URGCP: variants seen among roughly 807,000 people sequenced by gnomAD.
URGCP encodes the protein upregulator of cell proliferation, also known as up-regulator of cell proliferation.
In URGCP, 13 loss-of-function variants were observed where a neutral mutation model predicts 24.6. The observed-to-expected ratio is 0.53, with a 90% CI of 0.34 to 0.84. The LOEUF (loss-of-function observed/expected upper bound fraction) is 0.84, where lower values mean the gene tolerates loss of function less well. Among genes scored for constraint, URGCP ranks in the 40% least tolerant of loss-of-function variants. The pLI, the probability that URGCP is intolerant of heterozygous loss-of-function variation, is 0.01. For missense variants in URGCP, 899 were observed against 1,194.3 expected (o/e 0.75, Z 3.64); for synonymous variants, 444 against 487.2 (o/e 0.91, Z 1.17).
intron 1 of URGCP, among the ~76,000 whole-genome samples, chr7:43,899,360 C>T (rs1307624008): frequency 6.7e-6 from 1 of 149,710 alleles, no homozygotes; most frequent in Non-Finnish European, 1.5e-5. Context: ...ATCATGTGAT[C>T]CATCTGCCTC....
intron 1 of URGCP, among the ~76,000 whole-genome samples, chr7:43,890,680 T>C (rs918734031): frequency 5.3e-5 from 8 of 152,192 alleles, no homozygotes; most frequent in African/African-American, 1.4e-4. Flanking sequence ...CTTCCCCACA[T>C]AGACATCTCT....
intron 3 of URGCP, among the ~76,000 whole-genome samples, chr7:43,883,212 G>A (rs553042455): frequency 2.7e-4 from 41 of 151,086 alleles, no homozygotes; most frequent in Non-Finnish European, 4.9e-4. Context: ...ATAAAGGAGC[G>A]AACAGGAGGC....
rs561999025 is a variant in URGCP, at chr7:43,890,866, G to A, written c.15-3050C>T. ...ATGTGGCTGAACCCTACTTCCGGCA[G>A]GTCTGCTGATGGCCCATTGCTCATT... On this transcript the variant is annotated intron_variant, in intron 1 of 5. Transcript: ENST00000453200. Among the ~76,000 whole-genome samples the A allele has an allele frequency of 5.0e-4, 76 of 152,366 alleles. 1 individual carries two copies. Among genetic ancestry groups the A allele is most frequent in the South Asian group, 2.9e-3 (14 of 4,832 alleles).
At chr7:43,894,708 C>T (rs1333721391) in intron 1 of URGCP, among the ~76,000 whole-genome samples, 1 of 151,982 alleles carries the variant, frequency 6.6e-6, no homozygotes, top group African/African-American at 2.4e-5. Flanking sequence ...TCTTAGATCA[C>T]AAGGGAATAA....
chr7:43,915,711 C>A (rs547552354), intron 1 of URGCP, among the ~76,000 whole-genome samples: 1 of 152,298 alleles, frequency 6.6e-6, no homozygotes, highest in South Asian at 2.1e-4. Context: ...GTAGAAACAG[C>A]AATTAAAAGT....
chr7:43,881,321 C>A lies in URGCP; in HGVS notation c.202+338G>T, dbSNP rs540744289. The A allele has an allele frequency of 1.4e-4, 92 of 679,640 alleles. No individual in the cohort carries two copies. The South Asian group carries it at 1.4e-3, about 10-fold the overall frequency. The allele number at this position is 679,640 out of a possible 1,614,324, so 42.1% of individuals were successfully genotyped here. A position where few individuals can be genotyped will look rare whatever the true frequency, so the allele number is the denominator to read the frequency against. On this transcript the variant is annotated intron_variant, in intron 5 of 5. Transcript: ENST00000453200. ...CCAGATAAATCGTTTCCAAACCGGG[C>A]TGTACATTAGAATCAATCACTTCAG...
intron 1 of URGCP, among the ~76,000 whole-genome samples, chr7:43,912,434 G>A (rs2095910998): frequency 6.6e-6 from 1 of 152,244 alleles, no homozygotes; most frequent in Non-Finnish European, 1.5e-5. Context: ...AGGAGATGGA[G>A]GTTGCAGTGA....
At chr7:43,906,338 T>A (rs2095902522) in intron 1 of URGCP, 1 of 228,866 alleles carries the variant, frequency 4.4e-6, no homozygotes, top group South Asian at 1.5e-4. Flanking sequence ...GGGGGACCGC[T>A]GTCCTCCGCC....
chr7:43,878,380 C>T lies in URGCP; in HGVS notation c.1083G>A (p.Leu361=), dbSNP rs1185158119. Residue 361 remains leucine, a synonymous_variant, in exon 6 of 6, where the codon TTG becomes TTA. Transcript: ENST00000453200. This position sits in a 1 kb window ranked among gnomAD's most constrained non-coding sequence, Gnocchi z 5.6. ...ATTCCTTCTTACTGATATTGTCAGTCAATATAAACACAGCGGAGGAGATTT... is the reference window on the plus strand; with the variant it reads ...ATTCCTTCTTACTGATATTGTCAGTTAATATAAACACAGCGGAGGAGATTT... ...LTEISSAVFI[L]TDNISKKEYK... 6.2e-7 allele frequency: 1 copy of T among 1,614,060 alleles called. No individual in the cohort carries two copies. The highest frequency in any genetic ancestry group is 1.3e-5 in the African/African-American group (1 of 74,916).
intron 1 of URGCP, among the ~76,000 whole-genome samples, chr7:43,912,624 A>G (rs1350832153): frequency 6.6e-6 from 1 of 152,142 alleles, no homozygotes; most frequent in Non-Finnish European, 1.5e-5. Context: ...AGATTTTGAT[A>G]GGGATTACAT....
chr7:43,920,368 T>A (rs561438262), intron 1 of URGCP, among the ~76,000 whole-genome samples: 13 of 152,302 alleles, frequency 8.5e-5, no homozygotes, highest in Non-Finnish European at 4.4e-5. Context: ...AAGACTAGCC[T>A]GGCCAACATG....
chr7:43,913,247 G>A (rs1023265906), intron 1 of URGCP, among the ~76,000 whole-genome samples: 2 of 151,598 alleles, frequency 1.3e-5, no homozygotes, highest in Non-Finnish European at 2.9e-5. Flanking sequence ...CTCGCTCTGT[G>A]GTCCAGGCTG....
intron 1 of URGCP, chr7:43,888,097 G>T: frequency 2.8e-6 from 1 of 361,836 alleles, no homozygotes; most frequent in Non-Finnish European, 5.0e-6. Context: ...TTATCTATAG[G>T]TATATATACA....
chr7:43,878,742 A>C lies in URGCP; in HGVS notation c.721T>G (p.Ser241Ala). ...AMRGIVRTWW[S>A]QPPRGMGSFR... ...CTCCCCATGCCCCTTGGGGGCTGGG[A>C]CCACCATGTCCTCACAATGCCCCGC... is the stretch of plus-strand genomic sequence containing the variant. Residue 241 changes from serine (S) to alanine (A), a missense_variant, in exon 6 of 6, where the codon TCC becomes GCC. Coordinates refer to ENST00000453200, the MANE Select transcript of URGCP (RefSeq NM_001077663.3). This position sits in a 1 kb window ranked among gnomAD's most constrained non-coding sequence, Gnocchi z 5.6. The C allele has an allele frequency of 6.2e-7, 1 of 1,614,104 alleles. No homozygotes were observed. The highest frequency in any genetic ancestry group is 1.6e-4 in the Middle Eastern group (1 of 6,062).
intron 1 of URGCP, chr7:43,919,126 G>A: frequency 1.2e-6 from 1 of 869,266 alleles, no homozygotes; most frequent in South Asian, 1.3e-5. Context: ...ATTGCTGGGG[G>A]GACAGGCTCT....
chr7:43,876,893 T>C lies in URGCP; in HGVS notation c.2570A>G (p.Asp857Gly). The C allele has an allele frequency of 6.2e-7, 1 of 1,614,012 alleles. No individual in the cohort carries two copies. Among genetic ancestry groups the C allele is most frequent in the Non-Finnish European group, 8.5e-7 (1 of 1,180,006 alleles). Reference sequence around the variant, plus strand: ...CAGGCCTGCCAGTGCCCGGAAGCCGTCGCCCTGTTTCTCCATCTGGGCTGC... The same window carrying C: ...CAGGCCTGCCAGTGCCCGGAAGCCGCCGCCCTGTTTCTCCATCTGGGCTGC... ...RAAAQMEKQG[D>G]GFRALAGLAF... The change falls in exon 6 of 6, where the codon GAC becomes GGC. Residue 857 changes from aspartate (D) to glycine (G), a missense_variant. Asp to Gly is a moderately conservative substitution (Grantham distance 94). Coordinates refer to ENST00000453200, the MANE Select transcript of URGCP (RefSeq NM_001077663.3).
chr7:43,914,661 T>C (rs1215514496), intron 1 of URGCP, among the ~76,000 whole-genome samples: 1 of 152,150 alleles, frequency 6.6e-6, no homozygotes, highest in Non-Finnish European at 1.5e-5. Context: ...CCCCAGATGG[T>C]TTTGTTCCTC....
chr7:43,918,670 G>A (rs563440484), intron 1 of URGCP: 18 of 634,296 alleles, frequency 2.8e-5, no homozygotes, highest in Admixed American at 1.9e-4. Flanking sequence ...GGGTGGGAGC[G>A]GCTGCAACTC....
chr7:43,905,056 C>T (rs2095898507), intron 1 of URGCP, among the ~76,000 whole-genome samples: 1 of 152,142 alleles, frequency 6.6e-6, no homozygotes, highest in Non-Finnish European at 1.5e-5. Flanking sequence ...CACAAATAAT[C>T]ACAACCGCAA....
Sources: gnomAD v4.1 joint callset for allele counts (sites outside exome capture counted in the v4.1 genomes callset) on GRCh38, gnomAD v4.1.1 for gene constraint, Gnocchi (gnomAD v3.1) non-coding constraint, MANE v1.5 for transcripts, NCBI Gene and HGNC (gene_info 2026-07-23, HGNC 2026-07-21) for gene names.